Variants in CD2AP observed in about 807,000 individuals in gnomAD.
CD2AP encodes the protein CD2-associated protein.
Under a neutral mutation model 85.1 loss-of-function variants are expected in CD2AP, and 46 were observed. The observed-to-expected ratio is 0.54, with a 90% confidence interval of 0.43 to 0.69. The LOEUF (loss-of-function observed/expected upper bound fraction) is 0.69, where lower values mean the gene tolerates loss of function less well. CD2AP is among the 30% of genes least tolerant of loss of function. CD2AP has a pLI of 0.00. For missense variants in CD2AP, 769 were observed against 729.5 expected (o/e 1.05, Z -0.62); for synonymous variants, 255 against 252.9 (o/e 1.01, Z -0.08).
intron 11 of CD2AP, among the ~76,000 whole-genome samples, chr6:47,583,422 C>T (rs1324523849): frequency 6.6e-6 from 1 of 152,146 alleles, no homozygotes; most frequent in African/African-American, 2.4e-5. Context: ...TCTACCTATT[C>T]ATCTGTCCTT....
chr6:47,603,022 T>C (rs1405201123), intron 13 of CD2AP, among the ~76,000 whole-genome samples: 1 of 152,158 alleles, frequency 6.6e-6, no homozygotes, highest in Non-Finnish European at 1.5e-5. Flanking sequence ...GTTGATCTAT[T>C]TTTTAAAAAT....
intron 3 of CD2AP, among the ~76,000 whole-genome samples, chr6:47,540,326 G>T (rs1016121397): frequency 1.3e-5 from 2 of 151,276 alleles, no homozygotes; most frequent in Non-Finnish European, 2.9e-5. Context: ...AACATTTATT[G>T]ACTTTGTGCA....
chr6:47,553,996 AC>A (rs1453891134), intron 4 of CD2AP, among the ~76,000 whole-genome samples: 1 of 152,044 alleles, frequency 6.6e-6, no homozygotes, highest in East Asian at 1.9e-4. Context: ...CTCCTCTGTC[AC>A]CTGGGCTGGA....
chr6:47,550,577 A>G (rs778306814), intron 4 of CD2AP, among the ~76,000 whole-genome samples: 5 of 152,170 alleles, frequency 3.3e-5, no homozygotes, highest in Non-Finnish European at 4.4e-5. Flanking sequence ...GAACAGTTCT[A>G]TACTTCTGGT....
chr6:47,593,980 CTA>C (rs1428184752), intron 11 of CD2AP, among the ~76,000 whole-genome samples: 3 of 151,912 alleles, frequency 2.0e-5, no homozygotes, highest in East Asian at 1.9e-4. Context: ...TGAAATACTG[CTA>C]TATGTTATGA....
Position 47,612,507 on chromosome 6 carries a change from G to T in CD2AP, c.1849G>T (p.Glu617Ter). 6.2e-7 allele frequency: 1 copy of T among 1,608,012 alleles called. No individual in the cohort carries two copies. The highest frequency in any genetic ancestry group is 8.5e-7 in the Non-Finnish European group (1 of 1,174,854). ...ELEKLRKDLE[E>*]EKTMRSNLEM... is the part of the protein sequence containing the mutation. The stretch of plus-strand genomic sequence containing the variant: ...GGAAAAACTGCGAAAAGATTTGGAA[G>T]AAGAGAAGACAATGAGAAGTAATCT... The change falls in exon 17 of 18, where the codon GAA becomes TAA. Residue 617 changes from glutamate (E) to a stop codon, truncating the protein, a stop_gained. Transcript: ENST00000359314. LOFTEE classifies it high-confidence loss of function.
chr6:47,522,131 G>C (rs926061841), intron 2 of CD2AP, among the ~76,000 whole-genome samples: 1 of 152,146 alleles, frequency 6.6e-6, no homozygotes, highest in Non-Finnish European at 1.5e-5. Flanking sequence ...TGCAGAGTCC[G>C]ATCACCTGAG....
At chr6:47,552,401 G>A (rs1407589859) in intron 4 of CD2AP, among the ~76,000 whole-genome samples, 1 of 151,978 alleles carries the variant, frequency 6.6e-6, no homozygotes, top group East Asian at 1.9e-4. Flanking sequence ...ACGATGATTG[G>A]TTTTCCATTC....
intron 11 of CD2AP, among the ~76,000 whole-genome samples, chr6:47,591,045 T>C (rs1475685718): frequency 6.6e-6 from 1 of 152,154 alleles, no homozygotes; most frequent in Non-Finnish European, 1.5e-5. Context: ...AAAGTTGCCA[T>C]TGGAAACAGC....
intron 11 of CD2AP, among the ~76,000 whole-genome samples, chr6:47,590,811 A>G (rs1182189403): frequency 1.3e-5 from 2 of 152,136 alleles, no homozygotes; most frequent in Non-Finnish European, 2.9e-5. Flanking sequence ...AATTTTCTAA[A>G]AGTGATTAAA....
In CD2AP at chr6:47,624,271, C is replaced by T. The variant is rs1423419789; in HGVS notation, c.*44C>T. 1 of 1,473,874 alleles carries T rather than the reference C, an allele frequency of 6.8e-7. No homozygotes were observed. Among genetic ancestry groups the T allele is most frequent in the Admixed American group, 1.7e-5 (1 of 59,678 alleles). The allele number at this position is 1,473,874 out of a possible 1,614,324, so 91.3% of individuals were successfully genotyped here. A position where few individuals can be genotyped will look rare whatever the true frequency, so the allele number is the denominator to read the frequency against. On this transcript the variant is annotated 3_prime_UTR_variant, in exon 18 of 18. Coordinates refer to ENST00000359314, the MANE Select transcript of CD2AP (RefSeq NM_012120.3). ...TCATAATGTTCCAGGGATTCAGAAG[C>T]AACGCTATGAACTTCAGCTGACTTG...
At chr6:47,565,001 A>G (rs1156704450) in intron 5 of CD2AP, among the ~76,000 whole-genome samples, 1 of 151,952 alleles carries the variant, frequency 6.6e-6, no homozygotes, top group Non-Finnish European at 1.5e-5. Context: ...TCTCTTATGT[A>G]GTAATGGGAT....
At chr6:47,500,507 C>T (rs1472060307) in intron 1 of CD2AP, among the ~76,000 whole-genome samples, 1 of 152,104 alleles carries the variant, frequency 6.6e-6, no homozygotes. Context: ...GAAATCCTGT[C>T]TAAAATTTAC....
At chr6:47,506,802 AGGGAGAGGGAGAGGGAG>A (rs1766183052) in intron 2 of CD2AP, among the ~76,000 whole-genome samples, 1 of 8,094 alleles carries the variant, frequency 1.2e-4, no homozygotes, top group Non-Finnish European at 2.2e-4. Flanking sequence ...ACGGAGGGAG[AGGGAGAGGGAGAGGGAG>A]AGGGAGAGGG....
intron 17 of CD2AP, among the ~76,000 whole-genome samples, chr6:47,622,204 A>G (rs1347707666): frequency 1.3e-5 from 2 of 152,128 alleles, no homozygotes; most frequent in Non-Finnish European, 2.9e-5. Flanking sequence ...GCCTCCCCCA[A>G]CAGCCCTGTT....
rs182361318 is a variant in CD2AP, at chr6:47,531,791, G to A, written c.166-1811G>A. 1.3e-4 allele frequency among the ~76,000 whole-genome samples: 20 copies of A among 151,950 alleles called. No individual in the cohort carries two copies. The East Asian group carries it at 1.6e-3, about 12-fold the overall frequency. The stretch of plus-strand genomic sequence containing the variant: ...AGTATGTTTTATAAGAATCCTTTTC[G>A]GCCGGGCGTGGTGGCTCACGCTTGT... On this transcript the variant is annotated intron_variant, in intron 2 of 17. Coordinates refer to ENST00000359314, the MANE Select transcript of CD2AP (RefSeq NM_012120.3).
chr6:47,599,336 T>G lies in CD2AP; in HGVS notation c.1310T>G (p.Phe437Cys). 1 of 1,612,436 alleles carries G rather than the reference T, an allele frequency of 6.2e-7. No homozygotes were observed. Among genetic ancestry groups the G allele is most frequent in the African/African-American group, 1.3e-5 (1 of 74,940 alleles). ...GAAGTTTCTAGCATTTCATCAAAAT[T>G]TGAAACTGAGCCAGTATCAAAACTA... ...NGEVSSISSK[F>C]ETEPVSKLKL... The change falls in exon 13 of 18, where the codon TTT becomes TGT. Residue 437 changes from phenylalanine to cysteine, a missense_variant. Physicochemically the swap from Phe to Cys is radical, Grantham distance 205. Transcript: ENST00000359314.
intron 1 of CD2AP, among the ~76,000 whole-genome samples, chr6:47,482,042 C>A (rs1226914993): frequency 6.6e-6 from 1 of 152,188 alleles, no homozygotes; most frequent in Non-Finnish European, 1.5e-5. Flanking sequence ...ATTACAGCTG[C>A]ACCACTGTAC....
intron 2 of CD2AP, among the ~76,000 whole-genome samples, chr6:47,505,318 C>T (rs1245936696): frequency 2.0e-5 from 3 of 148,644 alleles, no homozygotes; most frequent in Non-Finnish European, 4.5e-5. Flanking sequence ...GGACACAGCA[C>T]ATGTTTCAGA....
Sources: gnomAD v4.1 joint callset for allele counts (sites outside exome capture counted in the v4.1 genomes callset) on GRCh38, gnomAD v4.1.1 for gene constraint, MANE v1.5 for transcripts, NCBI Gene and HGNC (gene_info 2026-07-23, HGNC 2026-07-21) for gene names.